Variants in ZCCHC24 observed in about 807,000 individuals in gnomAD.
ZCCHC24 encodes zinc finger CCHC domain-containing protein 24.
Under a neutral mutation model 26.2 loss-of-function variants are expected in ZCCHC24, and 10 were observed. That is an observed-to-expected ratio of 0.38 (90% CI 0.24 to 0.65). The LOEUF is 0.65. ZCCHC24 is among the 30% of genes least tolerant of loss of function. The probability of loss-of-function intolerance (pLI) is 0.54; values close to 1 mark genes in which losing one functional copy is unlikely to be tolerated. For missense variants in ZCCHC24, 243 were observed against 329.1 expected (o/e 0.74, Z 2.03); for synonymous variants, 144 against 147.1 (o/e 0.98, Z 0.15).
At chr10:79,408,972 A>G (rs1248712447) in intron 2 of ZCCHC24, 1 of 152,264 alleles carries the variant, frequency 6.6e-6, no homozygotes, top group Non-Finnish European at 1.5e-5. Flanking sequence ...GTAACTTGCC[A>G]CAAAACTACT....
chr10:79,416,018 C>T (rs889260158), intron 2 of ZCCHC24, among the ~76,000 whole-genome samples: 4 of 152,272 alleles, frequency 2.6e-5, no homozygotes, highest in East Asian at 1.9e-4. Context: ...CCTGAGGACC[C>T]GGGCTGCGCA....
At chr10:79,437,957 GA>G (rs1385480356) in intron 1 of ZCCHC24, among the ~76,000 whole-genome samples, 1 of 152,216 alleles carries the variant, frequency 6.6e-6, no homozygotes, top group Non-Finnish European at 1.5e-5. Context: ...AACAGGACAA[GA>G]GACAGATAGG....
intron 2 of ZCCHC24, chr10:79,403,636 G>GCGCACAGC: frequency 2.0e-6 from 2 of 978,160 alleles, no homozygotes. Context: ...CTCCTTGTCT[G>GCGCACAGC]CGCACAGCCG....
rs1856342966 is a variant in ZCCHC24 at position 79,383,018 on chromosome 10, TAAC to T, written c.*3324_*3326del. ...CTCTACAAAATTAATAAAACCGTAA[TAAC>T]AAGATAAGAAGAAGAAGGTGCAAGA... is the stretch of plus-strand genomic sequence containing the variant. On this transcript the variant is annotated 3_prime_UTR_variant, in exon 4 of 4. Transcript: ENST00000372336. 6.6e-6 allele frequency: 1 copy of T among 152,666 alleles called. No homozygotes were observed. Among genetic ancestry groups the T allele is most frequent in the Non-Finnish European group, 1.5e-5 (1 of 68,028 alleles). 9.5% of individuals were successfully genotyped at this position (152,666 alleles called of 1,614,324 possible).
chr10:79,384,175 T>G lies in ZCCHC24; in HGVS notation c.*2170A>C, dbSNP rs1325498717. ...GGGCAGTGGCTACCTGCTGAACAGC[T>G]CACTGGCAAGGTCACTTTGGGGTGA... On this transcript the variant is annotated 3_prime_UTR_variant, in exon 4 of 4. Transcript: ENST00000372336. 6.6e-6 allele frequency: 1 copy of G among 152,354 alleles called. No homozygotes were observed. Among genetic ancestry groups the G allele is most frequent in the African/African-American group, 2.4e-5 (1 of 41,430 alleles). 9.4% of individuals were successfully genotyped at this position (152,354 alleles called of 1,614,324 possible).
intron 2 of ZCCHC24, among the ~76,000 whole-genome samples, chr10:79,405,495 G>A (rs1254288170): frequency 6.6e-6 from 1 of 152,232 alleles, no homozygotes; most frequent in East Asian, 1.9e-4. Flanking sequence ...TCATGGCGTG[G>A]GCTCTGTCCA....
chr10:79,405,098 CT>C (rs1856692651), intron 2 of ZCCHC24, among the ~76,000 whole-genome samples: 1 of 152,210 alleles, frequency 6.6e-6, no homozygotes, highest in African/African-American at 2.4e-5. Context: ...GGAGAAGGCC[CT>C]CTCCCTGAAC....
intron 1 of ZCCHC24, 62 bp from the exon 2 acceptor site, chr10:79,432,820 C>CA: frequency 1.3e-6 from 2 of 1,528,604 alleles, no homozygotes; most frequent in Non-Finnish European, 1.8e-6. Flanking sequence ...CATAACCCCC[C>CA]ACCCAAACAC....
rs115094941 is a variant in ZCCHC24, at chr10:79,443,222, C to T, written c.246+1973G>A. Among the ~76,000 whole-genome samples the T allele has an allele frequency of 6.9e-3, 1,055 of 152,262 alleles. 6 individuals are homozygous for T. Among genetic ancestry groups the T allele is most frequent in the African/African-American group, 0.011 (445 of 41,522 alleles). On this transcript the variant is annotated intron_variant, in intron 1 of 3. Coordinates refer to ENST00000372336, the MANE Select transcript of ZCCHC24 (RefSeq NM_153367.4). Reference sequence around the variant, plus strand: ...GTGACTTTATGGGGAAACTGAGGTACGCAGCAATGAAGTGACAGAGGGCAG... The same window carrying T: ...GTGACTTTATGGGGAAACTGAGGTATGCAGCAATGAAGTGACAGAGGGCAG...
At chr10:79,441,375 G>T (rs2132226239) in intron 1 of ZCCHC24, among the ~76,000 whole-genome samples, 1 of 152,202 alleles carries the variant, frequency 6.6e-6, no homozygotes, top group African/African-American at 2.4e-5. Flanking sequence ...TGGGCCCAGG[G>T]AAAGGCCATT....
Position 79,445,581 on chromosome 10 carries a change from G to T in ZCCHC24, c.-141C>A. The stretch of plus-strand genomic sequence containing the variant: ...GATCGCCCCGCGCCCTGCGCCCCGC[G>T]CGCTGCCCGCAGCCGCTGCCGCTGC... On this transcript the variant is annotated 5_prime_UTR_variant, in exon 1 of 4. Coordinates refer to ENST00000372336, the MANE Select transcript of ZCCHC24 (RefSeq NM_153367.4). The T allele has an allele frequency of 2.8e-6, 2 of 717,840 alleles. No homozygotes were observed. Among genetic ancestry groups the T allele is most frequent in the East Asian group, 9.7e-5 (1 of 10,340 alleles). 44.5% of individuals were successfully genotyped at this position (717,840 alleles called of 1,614,324 possible). A position where few individuals can be genotyped will look rare whatever the true frequency, so the allele number is the denominator to read the frequency against.
chr10:79,396,682 T>C (rs184891370), intron 2 of ZCCHC24, among the ~76,000 whole-genome samples: 83 of 152,336 alleles, frequency 5.4e-4, no homozygotes, highest in Middle Eastern at 3.4e-3. Context: ...AACTGCATTT[T>C]AACAAGAGCC....
At chr10:79,407,801 T>C (rs1044670786) in intron 2 of ZCCHC24, among the ~76,000 whole-genome samples, 1 of 152,184 alleles carries the variant, frequency 6.6e-6, no homozygotes, top group Non-Finnish European at 1.5e-5. Flanking sequence ...GCTGGGCTGG[T>C]TGCAGGACAG....
chr10:79,423,046 G>A (rs12360384), intron 2 of ZCCHC24, among the ~76,000 whole-genome samples: 52,809 of 151,992 alleles, frequency 0.35, 10,804 homozygotes, highest in Middle Eastern at 0.53. Flanking sequence ...TCAACATCAG[G>A]ATCCTTACTG....
intron 2 of ZCCHC24, among the ~76,000 whole-genome samples, chr10:79,424,650 A>C (rs1857001221): frequency 6.6e-6 from 1 of 152,180 alleles, no homozygotes; most frequent in Non-Finnish European, 1.5e-5. Context: ...TCAAAATGCC[A>C]ATCTGAGCAT....
At chr10:79,425,533 GAT>G (rs970355547) in intron 2 of ZCCHC24, among the ~76,000 whole-genome samples, 1 of 152,186 alleles carries the variant, frequency 6.6e-6, no homozygotes, top group African/African-American at 2.4e-5. Flanking sequence ...TGCCAAGGGT[GAT>G]GCAGGATGAT....
rs991522444 is a variant in ZCCHC24 at position 79,382,980 on chromosome 10, C to T, written c.*3365G>A. On this transcript the variant is annotated 3_prime_UTR_variant, in exon 4 of 4. Transcript: ENST00000372336. ...CAAATAAGCTGCTTCTTCCCCTTGC[C>T]CACTCCCTGTCCCTCTACAAAATTA... The T allele has an allele frequency of 1.3e-5, 2 of 152,592 alleles. No individual in the cohort carries two copies. The highest frequency in any genetic ancestry group is 2.9e-5 in the Non-Finnish European group (2 of 68,042). The allele number at this position is 152,592 out of a possible 1,614,324, so 9.5% of individuals were successfully genotyped here. A position where few individuals can be genotyped will look rare whatever the true frequency, so the allele number is the denominator to read the frequency against.
Position 79,438,821 on chromosome 10 carries a change from G to C in ZCCHC24, c.247-6063C>G, listed in dbSNP as rs189180896. 5.2e-3 allele frequency among the ~76,000 whole-genome samples: 797 copies of C among 152,304 alleles called. 3 individuals are homozygous for C. Among genetic ancestry groups the C allele is most frequent in the Non-Finnish European group, 9.5e-3 (647 of 68,032 alleles). ...ACCTGGGGAGATCCCTTTCCTCCTTGGTTCCAACAGCTCCAGCCCAGGGTC... is the reference window on the plus strand; with the variant it reads ...ACCTGGGGAGATCCCTTTCCTCCTTCGTTCCAACAGCTCCAGCCCAGGGTC... On this transcript the variant is annotated intron_variant, in intron 1 of 3. Transcript: ENST00000372336.
Position 79,382,651 on chromosome 10 carries a change from G to A in ZCCHC24, c.*3694C>T, listed in dbSNP as rs1856337900. The A allele has an allele frequency of 6.5e-6, 1 of 152,894 alleles. No homozygotes were observed. The highest frequency in any genetic ancestry group is 1.5e-5 in the Non-Finnish European group (1 of 68,120). 9.5% of individuals were successfully genotyped at this position (152,894 alleles called of 1,614,324 possible). A position where few individuals can be genotyped will look rare whatever the true frequency, so the allele number is the denominator to read the frequency against. ...CAGGGGACCGCTTGGCCATCTCGCTGAAGGCTGGAACACCCCCATTTCAGG... is the reference window on the plus strand; with the variant it reads ...CAGGGGACCGCTTGGCCATCTCGCTAAAGGCTGGAACACCCCCATTTCAGG... On this transcript the variant is annotated 3_prime_UTR_variant, in exon 4 of 4. Transcript: ENST00000372336.
Sources: gnomAD v4.1 joint callset for allele counts (sites outside exome capture counted in the v4.1 genomes callset) on GRCh38, gnomAD v4.1.1 for gene constraint, MANE v1.5 for transcripts, NCBI Gene and HGNC (gene_info 2026-07-23, HGNC 2026-07-21) for gene names.